Variants in YEATS2 observed in about 807,000 individuals in gnomAD.
YEATS2 encodes the protein YEATS domain-containing protein 2.
In YEATS2, 77 loss-of-function variants were observed where a neutral mutation model predicts 163.2. The observed-to-expected ratio is 0.47, with a 90% CI of 0.39 to 0.57. YEATS2 has a LOEUF of 0.57. Ranked by LOEUF, YEATS2 falls within the 20% of genes least tolerant of loss-of-function variation. YEATS2 has a pLI of 0.00. For missense variants in YEATS2, 1,549 were observed against 1,729.8 expected (o/e 0.90, Z 1.85); for synonymous variants, 631 against 645.1 (o/e 0.98, Z 0.33).
In YEATS2 at chr3:183,769,104, GTTTCTTCT is replaced by G. The variant is rs1245119947; in HGVS notation, c.1948-3192_1948-3185del. Among the ~76,000 whole-genome samples the G allele has an allele frequency of 2.6e-5, 4 of 152,272 alleles. No homozygotes were observed. In the East Asian group the frequency reaches 7.7e-4, roughly 29 times the overall value. On this transcript the variant is annotated intron_variant, in intron 15 of 30. Transcript: ENST00000305135. ...TTTTTAAAATTGGTTCTTTTATTCT[GTTTCTTCT>G]TTTCTTCTCTCCTTAAACATACAGA...
At chr3:183,755,486 G>A (rs73064486) in intron 11 of YEATS2, among the ~76,000 whole-genome samples, 2,447 of 152,224 alleles carry the variant, frequency 0.016, 48 homozygotes, top group African/African-American at 0.057. Flanking sequence ...GGAATAGGCT[G>A]AACATATAAA....
At chr3:183,742,497 A>G (rs772899102) in intron 8 of YEATS2, among the ~76,000 whole-genome samples, 3 of 152,218 alleles carry the variant, frequency 2.0e-5, no homozygotes, top group Non-Finnish European at 4.4e-5. Context: ...GCAGGAGTAC[A>G]AGAATTAGAA....
chr3:183,756,925 C>G (rs950719702), intron 12 of YEATS2, among the ~76,000 whole-genome samples: 4 of 152,116 alleles, frequency 2.6e-5, no homozygotes, highest in African/African-American at 7.2e-5. Flanking sequence ...TCAAAATAAG[C>G]CATAATGAAT....
At chr3:183,786,567 A>G (rs1386160812) in intron 20 of YEATS2, among the ~76,000 whole-genome samples, 1 of 152,150 alleles carries the variant, frequency 6.6e-6, no homozygotes, top group Non-Finnish European at 1.5e-5. Flanking sequence ...CCCAATACCC[A>G]TCAGCAGTCA....
chr3:183,721,275 A>G lies in YEATS2; in HGVS notation c.292-616A>G, dbSNP rs150148549. On this transcript the variant is annotated intron_variant, in intron 4 of 30. Transcript: ENST00000305135. ...AGCTTCTACCTCCTTTTTTCTCTCT[A>G]GAACCATTAGTTTAATAACACAGTT... Among the ~76,000 whole-genome samples the G allele has an allele frequency of 4.6e-5, 7 of 152,262 alleles. No individual in the cohort carries two copies. The East Asian group carries it at 7.7e-4, about 17-fold the overall frequency.
At chr3:183,727,123 A>G (rs1269957273) in intron 6 of YEATS2, among the ~76,000 whole-genome samples, 1 of 152,160 alleles carries the variant, frequency 6.6e-6, no homozygotes, top group Admixed American at 6.5e-5. Flanking sequence ...GTACCCTAAC[A>G]GTATATATTT....
chr3:183,806,266 C>T, intron 27 of YEATS2: 1 of 455,828 alleles, frequency 2.2e-6, no homozygotes, highest in Admixed American at 2.3e-5. Context: ...CTTGTTAGAG[C>T]CCAGTCAGTA....
chr3:183,778,607 C>T (rs552958361), intron 19 of YEATS2, among the ~76,000 whole-genome samples: 21 of 152,084 alleles, frequency 1.4e-4, no homozygotes, highest in Non-Finnish European at 2.9e-4. Context: ...CTGCCCGCCT[C>T]GGCCTCCGAA....
At chr3:183,709,401 G>A (rs949742408) in intron 1 of YEATS2, among the ~76,000 whole-genome samples, 16 of 151,044 alleles carry the variant, frequency 1.1e-4, no homozygotes, top group Admixed American at 6.0e-4. Flanking sequence ...GCATGATCTC[G>A]GCTCACTGCA....
intron 10 of YEATS2, 41 bp downstream of exon 10, chr3:183,752,294 ATTCC>A: frequency 6.2e-7 from 1 of 1,610,022 alleles, no homozygotes; most frequent in Non-Finnish European, 8.5e-7. Flanking sequence ...GTTCTGAGGC[ATTCC>A]TTTCCCATTT....
In YEATS2 at chr3:183,754,273, G is replaced by A; in HGVS notation, c.1298G>A (p.Ser433Asn). ...GNSAFQPIASSCKIVPQSQVP... is the reference protein window; with the variant it reads ...GNSAFQPIASNCKIVPQSQVP... ...TCAGCTTTCCAGCCAATAGCATCAA[G>A]CTGCAAAATTGTTCCACAAAGTCAG... The change falls in exon 11 of 31, where the codon AGC becomes AAC. Residue 433 changes from serine to asparagine, a missense_variant. Physicochemically the swap from Ser to Asn is conservative, Grantham distance 46 (BLOSUM62 1). Coordinates refer to ENST00000305135, the MANE Select transcript of YEATS2 (RefSeq NM_018023.5). 1 of 1,614,158 alleles carries A rather than the reference G, an allele frequency of 6.2e-7. No individual in the cohort carries two copies. Among genetic ancestry groups the A allele is most frequent in the Non-Finnish European group, 8.5e-7 (1 of 1,180,014 alleles).
rs1721050790 is a variant in YEATS2, at chr3:183,758,917, C to T, written c.1608C>T (p.Ser536=). 2 of 1,594,604 alleles carry T rather than the reference C, an allele frequency of 1.3e-6. No homozygotes were observed. Among genetic ancestry groups the T allele is most frequent in the Non-Finnish European group, 1.7e-6 (2 of 1,174,154 alleles). ...CTCAGGTCTCCCAAGGAACAGGTTCCCCTGTTCCTAAAATTCATGGAAGTA... is the reference window on the plus strand; with the variant it reads ...CTCAGGTCTCCCAAGGAACAGGTTCTCCTGTTCCTAAAATTCATGGAAGTA... ...TASQVSQGTG[S]PVPKIHGSSF... is the part of the protein sequence containing the mutation. Residue 536 remains serine (S), a synonymous_variant, in exon 13 of 31, where the codon TCC becomes TCT. Transcript: ENST00000305135.
At chr3:183,727,706 G>A (rs1411068533) in intron 6 of YEATS2, among the ~76,000 whole-genome samples, 3 of 152,120 alleles carry the variant, frequency 2.0e-5, no homozygotes, top group Non-Finnish European at 4.4e-5. Context: ...AAAGGGGAGC[G>A]CTAAAGATGC....
At chr3:183,802,524 TATATACACGTGTATATAC>T (rs1289176617) in intron 25 of YEATS2, 3 of 151,792 alleles carry the variant, frequency 2.0e-5, no homozygotes, top group Non-Finnish European at 4.4e-5. Context: ...CATGTATATA[TATATACACGTGTATATAC>T]ACACACACAT....
intron 12 of YEATS2, 38 bp from the exon 13 acceptor site, chr3:183,758,824 T>A (rs1381601222): frequency 7.3e-7 from 1 of 1,363,654 alleles, no homozygotes; most frequent in Non-Finnish European, 1.0e-6. Context: ...TTTGTAAATT[T>A]TACTTTGTTT....
intron 8 of YEATS2, among the ~76,000 whole-genome samples, chr3:183,744,102 C>CTT (rs562807575): frequency 2.7e-4 from 15 of 55,996 alleles, no homozygotes; most frequent in Non-Finnish European, 3.3e-4. Context: ...TTTAGTTTTG[C>CTT]TTTTTTTTTT....
At position 183,777,537 on chromosome 3, in the gene YEATS2, C is replaced by T. The variant is rs1723114971; in HGVS notation, c.2578-5C>T. The stretch of plus-strand genomic sequence containing the variant: ...ATTAGTTCTTTATATTTTTTTCTAA[C>T]TTAGGGCACATTTTTAGTTGGCCAG... On this transcript the variant is annotated splice_region_variant and splice_polypyrimidine_tract_variant and intron_variant, in intron 18 of 30. Coordinates refer to ENST00000305135, the MANE Select transcript of YEATS2 (RefSeq NM_018023.5). 2 of 1,610,614 alleles carry T rather than the reference C, an allele frequency of 1.2e-6. No individual in the cohort carries two copies. The highest frequency in any genetic ancestry group is 1.7e-5 in the Admixed American group (1 of 59,044).
chr3:183,730,072 T>G lies in YEATS2; in HGVS notation c.812+1221T>G, dbSNP rs1200102953. On this transcript the variant is annotated intron_variant, in intron 7 of 30. Transcript: ENST00000305135. ...TGTTTGTTTTTTTTTTTTTTTTTTTTTTTTTTTTTTTTTTTGGAGACACAT... is the reference window on the plus strand; with the variant it reads ...TGTTTGTTTTTTTTTTTTTTTTTTTGTTTTTTTTTTTTTTTGGAGACACAT... Among the ~76,000 whole-genome samples the G allele has an allele frequency of 6.2e-4, 73 of 117,384 alleles. 1 individual carries two copies. Among genetic ancestry groups the G allele is most frequent in the Middle Eastern group, 3.9e-3 (1 of 258 alleles). 77.0% of individuals were successfully genotyped at this position (117,384 alleles called of 152,430 possible). A position where few individuals can be genotyped will look rare whatever the true frequency, so the allele number is the denominator to read the frequency against.
chr3:183,744,422 T>C (rs1313007587), intron 8 of YEATS2, among the ~76,000 whole-genome samples: 1 of 152,044 alleles, frequency 6.6e-6, no homozygotes, highest in African/African-American at 2.4e-5. Context: ...TGGCCAGTTT[T>C]ACTTTCTTTT....
Sources: gnomAD v4.1 joint callset for allele counts (sites outside exome capture counted in the v4.1 genomes callset) on GRCh38, gnomAD v4.1.1 for gene constraint, MANE v1.5 for transcripts, NCBI Gene and HGNC (gene_info 2026-07-23, HGNC 2026-07-21) for gene names.